FDX1: variants seen among roughly 807,000 people sequenced by gnomAD.
FDX1 encodes the protein adrenodoxin, mitochondrial.
FDX1 carries 9 observed loss-of-function variants against 14.9 expected under a neutral mutation model. The observed-to-expected ratio is 0.60, with a 90% CI of 0.36 to 1.05. FDX1 has a LOEUF of 1.05. Ranked by LOEUF, FDX1 falls within the 50% of genes least tolerant of loss-of-function variation. FDX1 has a pLI of 0.01. For missense variants in FDX1, 204 were observed against 237.2 expected (o/e 0.86, Z 0.92); for synonymous variants, 92 against 99.4 (o/e 0.93, Z 0.44).
chr11:110,458,751 G>C (rs549369943), intron 3 of FDX1, among the ~76,000 whole-genome samples: 1 of 151,990 alleles, frequency 6.6e-6, no homozygotes, highest in Admixed American at 6.6e-5. Flanking sequence ...GGGATTACAG[G>C]TGCCTGCCAC....
chr11:110,451,411 G>A (rs777844625), intron 2 of FDX1, among the ~76,000 whole-genome samples: 1 of 152,014 alleles, frequency 6.6e-6, no homozygotes, highest in Non-Finnish European at 1.5e-5. Context: ...CAGTCAGAAT[G>A]GTGATTATTA....
intron 1 of FDX1, among the ~76,000 whole-genome samples, chr11:110,433,847 T>C (rs1946348317): frequency 6.6e-6 from 1 of 152,208 alleles, no homozygotes; most frequent in African/African-American, 2.4e-5. Context: ...GTTGCCTCAT[T>C]TGTGAAATGG....
At chr11:110,455,415 A>G (rs1243540288) in intron 2 of FDX1, among the ~76,000 whole-genome samples, 1 of 152,222 alleles carries the variant, frequency 6.6e-6, no homozygotes, top group Non-Finnish European at 1.5e-5. Context: ...ACTAGTTGTT[A>G]ACAGTGGTTG....
At chr11:110,457,603 A>T (rs1419502781) in intron 3 of FDX1, among the ~76,000 whole-genome samples, 3 of 152,160 alleles carry the variant, frequency 2.0e-5, no homozygotes, top group Admixed American at 2.0e-4. Flanking sequence ...AAAATTATCT[A>T]GTCTTTTGAT....
Position 110,463,854 on chromosome 11 carries a change from G to A in FDX1, c.*1386G>A, listed in dbSNP as rs915148258. The stretch of plus-strand genomic sequence containing the variant: ...CTAATTCATATGTAAAAAGTGATTA[G>A]GAAGAACTTGAAGTATCATTTGATG... On this transcript the variant is annotated 3_prime_UTR_variant, in exon 4 of 4. Coordinates refer to ENST00000260270, the MANE Select transcript of FDX1 (RefSeq NM_004109.5). 2.6e-5 allele frequency: 4 copies of A among 151,662 alleles called. No individual in the cohort carries two copies. Among genetic ancestry groups the A allele is most frequent in the African/African-American group, 9.7e-5 (4 of 41,312 alleles). The allele number at this position is 151,662 out of a possible 1,614,324, so 9.4% of individuals were successfully genotyped here.
intron 2 of FDX1, among the ~76,000 whole-genome samples, chr11:110,450,278 A>T (rs910518143): frequency 6.6e-6 from 1 of 151,984 alleles, no homozygotes; most frequent in Admixed American, 6.6e-5. Flanking sequence ...CTGCAACTAG[A>T]TCTAGGTCCC....
intron 2 of FDX1, among the ~76,000 whole-genome samples, chr11:110,448,250 T>C (rs1017737182): frequency 2.0e-5 from 3 of 152,200 alleles, no homozygotes; most frequent in Non-Finnish European, 4.4e-5. Flanking sequence ...ATTGTGTTTG[T>C]ATAAGTTTAT....
intron 2 of FDX1, among the ~76,000 whole-genome samples, chr11:110,442,591 A>G (rs1342663957): frequency 1.3e-5 from 2 of 152,198 alleles, no homozygotes; most frequent in South Asian, 2.1e-4. Context: ...CATTTGGAAT[A>G]GCTATATTTA....
At chr11:110,453,280 G>C (rs1229937284) in intron 2 of FDX1, among the ~76,000 whole-genome samples, 1 of 152,294 alleles carries the variant, frequency 6.6e-6, no homozygotes, top group East Asian at 1.9e-4. Context: ...GGAGGTTGCC[G>C]TGAGCCGAGA....
At chr11:110,434,334 A>ATTTGCTT (rs71476086) in intron 1 of FDX1, among the ~76,000 whole-genome samples, 25,673 of 125,650 alleles carry the variant, frequency 0.2, 3,212 homozygotes, top group African/African-American at 0.25. Context: ...CGCCCTATTG[A>ATTTGCTT]TTTTTTTTTT....
chr11:110,446,182 A>C (rs1375062032), intron 2 of FDX1, among the ~76,000 whole-genome samples: 2 of 152,216 alleles, frequency 1.3e-5, no homozygotes, highest in African/African-American at 4.8e-5. Flanking sequence ...TTCTAGAATA[A>C]AGATGAGAGA....
At chr11:110,450,299 G>C (rs544210638) in intron 2 of FDX1, among the ~76,000 whole-genome samples, 1 of 151,958 alleles carries the variant, frequency 6.6e-6, no homozygotes, top group African/African-American at 2.4e-5. Flanking sequence ...ATCTGGAGGT[G>C]ATGGGAGACA....
chr11:110,444,734 A>ACG (rs1946437046), intron 2 of FDX1, among the ~76,000 whole-genome samples: 1 of 67,948 alleles, frequency 1.5e-5, no homozygotes, highest in African/African-American at 7.0e-5. Flanking sequence ...GTATATATAT[A>ACG]TATATATATA....
intron 2 of FDX1, 36 bp from the exon 3 acceptor site, chr11:110,456,882 G>C (rs549043814): frequency 1.3e-4 from 206 of 1,585,254 alleles, no homozygotes; most frequent in Non-Finnish European, 1.7e-4. Flanking sequence ...GTCTGATGTA[G>C]AAGGGACTAT....
chr11:110,461,335 A>G (rs1021200449), intron 3 of FDX1, among the ~76,000 whole-genome samples: 1 of 151,940 alleles, frequency 6.6e-6, no homozygotes, highest in Non-Finnish European at 1.5e-5. Flanking sequence ...GTCTCTACAA[A>G]AAATACAAAA....
chr11:110,444,685 CACGTATAT>C (rs1946431139), intron 2 of FDX1, among the ~76,000 whole-genome samples: 4 of 36,734 alleles, frequency 1.1e-4, no homozygotes, highest in African/African-American at 6.5e-4. Flanking sequence ...TATATATATA[CACGTATAT>C]ATATATATAT....
intron 1 of FDX1, among the ~76,000 whole-genome samples, chr11:110,434,922 T>A (rs575380683): frequency 2.2e-4 from 33 of 152,098 alleles, no homozygotes; most frequent in African/African-American, 8.0e-4. Context: ...ATCTCATTTT[T>A]ATTTTTATTT....
chr11:110,451,622 A>AC (rs1242969483), intron 2 of FDX1, among the ~76,000 whole-genome samples: 1 of 152,234 alleles, frequency 6.6e-6, no homozygotes, highest in African/African-American at 2.4e-5. Flanking sequence ...TTCTGTTATA[A>AC]AAATACGTGC....
At position 110,463,512 on chromosome 11, in the gene FDX1, T is replaced by C. The variant is rs1046113083; in HGVS notation, c.*1044T>C. Reference sequence around the variant, plus strand: ...GTTAACAAAGGGGTACACAGTATGGTCTTTGGAAATATAATAAAACATCAA... The same window carrying C: ...GTTAACAAAGGGGTACACAGTATGGCCTTTGGAAATATAATAAAACATCAA... On this transcript the variant is annotated 3_prime_UTR_variant, in exon 4 of 4. Coordinates refer to ENST00000260270, the MANE Select transcript of FDX1 (RefSeq NM_004109.5). 6.6e-6 allele frequency: 1 copy of C among 152,210 alleles called. No homozygotes were observed. Among genetic ancestry groups the C allele is most frequent in the Non-Finnish European group, 1.5e-5 (1 of 68,032 alleles). The allele number at this position is 152,210 out of a possible 1,614,324, so 9.4% of individuals were successfully genotyped here. A position where few individuals can be genotyped will look rare whatever the true frequency, so the allele number is the denominator to read the frequency against.
Sources: gnomAD v4.1 joint callset for allele counts (sites outside exome capture counted in the v4.1 genomes callset) on GRCh38, gnomAD v4.1.1 for gene constraint, MANE v1.5 for transcripts, NCBI Gene and HGNC (gene_info 2026-07-23, HGNC 2026-07-21) for gene names.